Variants in ENO4 observed in about 807,000 individuals in gnomAD.
The protein encoded by ENO4 is enolase 4.
A neutral mutation model predicts 63.2 loss-of-function variants in ENO4; 53 were observed. The ratio of observed to expected loss-of-function variants is 0.84; its 90% confidence interval spans 0.67 to 1.05. ENO4 has a LOEUF of 1.05. Among genes scored for constraint, ENO4 ranks in the 50% least tolerant of loss-of-function variants. The pLI, the probability that ENO4 is intolerant of heterozygous loss-of-function variation, is 0.00. For synonymous variants in ENO4, 266 were observed against 283.8 expected, an observed-to-expected ratio of 0.94 and a Z score of 0.63; for missense variants, 719 against 772.0, an observed-to-expected ratio of 0.93 and a Z score of 0.81.
intron 10 of ENO4, among the ~76,000 whole-genome samples, chr10:116,897,710 C>A (rs1311804421): frequency 1.3e-5 from 2 of 152,160 alleles, no homozygotes. Flanking sequence ...AATTTACACA[C>A]CAGGAAATTC....
intron 10 of ENO4, chr10:116,900,273 T>C (rs1180865876): frequency 4.3e-6 from 2 of 470,128 alleles, no homozygotes; most frequent in Non-Finnish European, 7.6e-6. Flanking sequence ...TTTAAGTAGA[T>C]AAATTAAACT....
intron 3 of ENO4, among the ~76,000 whole-genome samples, chr10:116,858,559 A>C (rs1846332482): frequency 6.6e-6 from 1 of 152,168 alleles, no homozygotes; most frequent in Admixed American, 6.5e-5. Flanking sequence ...TTTTTTTTAA[A>C]TATTAACCCT....
chr10:116,884,061 T>G (rs2133290655), downstream of ENO4: 1 of 326,594 alleles, frequency 3.1e-6, no homozygotes, highest in South Asian at 2.4e-5. Context: ...AAGACTTAAT[T>G]TATCTTTCCC....
At chr10:116,874,237 T>G (rs1846772024) in intron 10 of ENO4, 36 bp downstream of exon 10, 1 of 1,485,156 alleles carries the variant, frequency 6.7e-7, no homozygotes, top group Non-Finnish European at 9.1e-7. Flanking sequence ...ATAACATATT[T>G]TATATGCCAT....
rs933372874 is a variant in ENO4, at chr10:116,879,875, G to A, written c.1612G>A (p.Gly538Arg). The A allele has an allele frequency of 2.0e-5, 31 of 1,549,622 alleles. No homozygotes were observed. The highest frequency in any genetic ancestry group is 2.7e-5 in the Non-Finnish European group (31 of 1,146,674). Reference sequence around the variant, plus strand: ...GTTTTTTCCCCCCTTTCAGGCTGTTGGGCTTGGTGTCCGGTTCATCAAGTT... The same window carrying A: ...GTTTTTTCCCCCCTTTCAGGCTGTTAGGCTTGGTGTCCGGTTCATCAAGTT... ...SDDSLVDLAVGLGVRFIKLGG... is the reference protein window; with the variant it reads ...SDDSLVDLAVRLGVRFIKLGG... Residue 538 changes from glycine (G) to arginine (R), a missense_variant, in exon 13 of 14, where the codon GGG becomes AGG. Coordinates refer to ENST00000341276, the MANE Select transcript of ENO4 (RefSeq NM_001242699.2).
rs1305647867 is a variant in ENO4 at position 116,849,523 on chromosome 10, T to C, written c.-44T>C. The C allele has an allele frequency of 6.9e-7, 1 of 1,458,638 alleles. No individual in the cohort carries two copies. The highest frequency in any genetic ancestry group is 2.5e-5 in the Admixed American group (1 of 39,942). The allele number at this position is 1,458,638 out of a possible 1,614,324, so 90.4% of individuals were successfully genotyped here. A position where few individuals can be genotyped will look rare whatever the true frequency, so the allele number is the denominator to read the frequency against. On this transcript the variant is annotated 5_prime_UTR_variant, in exon 1 of 14. Transcript: ENST00000341276. ...TGCCTAGCGACAGCAGGGACGCTCG[T>C]GGGACCCCAGGCTAAACCCCGCTGT...
chr10:116,901,036 T>C, intron 10 of ENO4: 15 of 985,264 alleles, frequency 1.5e-5, no homozygotes, highest in Non-Finnish European at 1.8e-5. Context: ...AAATCAGAGG[T>C]TTAATTAACC....
rs1846396713 is a variant in ENO4, at chr10:116,861,093, T to C, written c.839T>C (p.Met280Thr). ...QPTTLSMPLL[M>T]VSLVSCGKSS... ...ACAACGCTATCTATGCCTTTGCTGA[T>C]GGTATCGCTGGTCAGCTGTGGGAAG... The change falls in exon 6 of 14, where the codon ATG (methionine) becomes ACG (threonine). Residue 280 changes from methionine (M) to threonine (T), a missense_variant. Physicochemically the swap from Met to Thr is moderately conservative, Grantham distance 81. This residue lies in a region of ENO4 where 544 missense variants were observed against 583.6 expected (regional missense o/e 0.93). Transcript: ENST00000341276. 1.9e-6 allele frequency: 3 copies of C among 1,549,648 alleles called. No homozygotes were observed. Among genetic ancestry groups the C allele is most frequent in the African/African-American group, 1.4e-5 (1 of 73,098 alleles).
chr10:116,850,170 A>C, intron 1 of ENO4: 1 of 245,402 alleles, frequency 4.1e-6, no homozygotes, highest in Non-Finnish European at 8.1e-6. Context: ...GTTTGCTACA[A>C]CTTGGCTTCA....
intron 13 of ENO4, among the ~76,000 whole-genome samples, chr10:116,880,322 G>A (rs1238266479): frequency 6.6e-6 from 1 of 152,172 alleles, no homozygotes; most frequent in East Asian, 1.9e-4. Flanking sequence ...AAAGTTAAAG[G>A]CAGACACTTT....
chr10:116,897,613 A>G (rs1183192473), intron 10 of ENO4, among the ~76,000 whole-genome samples: 1 of 152,230 alleles, frequency 6.6e-6, no homozygotes, highest in Non-Finnish European at 1.5e-5. Flanking sequence ...TAATTGTAAG[A>G]TAAGATAGGA....
chr10:116,901,075 T>G, intron 10 of ENO4: 1 of 985,406 alleles, frequency 1.0e-6, no homozygotes, highest in Non-Finnish European at 1.2e-6. Flanking sequence ...TGATCTGATT[T>G]GTCTCACCTC....
rs1268042279 is a variant in ENO4 at position 116,859,057 on chromosome 10, T to G, written c.553T>G (p.Ser185Ala). ...AGAATTGGAAAAGAGCCTGGAATAC[T>G]CAACAGTGCCTACACCTCTACCTCC... ...RKELEKSLEY[S>A]TVPTPLPPVP... The change falls in exon 4 of 14, where the codon TCA becomes GCA. Residue 185 changes from serine to alanine, a missense_variant. Physicochemically the swap from Ser to Ala is moderately conservative, Grantham distance 99 (BLOSUM62 1). Around this residue, in one of 3 missense-constraint regions of ENO4, gnomAD observed 544 missense variants for 583.6 expected, o/e 0.93. Coordinates refer to ENST00000341276, the MANE Select transcript of ENO4 (RefSeq NM_001242699.2). The G allele has an allele frequency of 7.8e-6, 12 of 1,535,762 alleles. No homozygotes were observed. In the East Asian group the frequency reaches 2.9e-4, roughly 38 times the overall value.
At chr10:116,851,897 A>G (rs1302915362) in intron 1 of ENO4, among the ~76,000 whole-genome samples, 1 of 151,806 alleles carries the variant, frequency 6.6e-6, no homozygotes, top group Non-Finnish European at 1.5e-5. Context: ...GAAACACTAT[A>G]CCTCCTCCAG....
Position 116,879,782 on chromosome 10 carries a change from G to A in ENO4, c.1606-87G>A, listed in dbSNP as rs1350192805. 6.9e-6 allele frequency: 7 copies of A among 1,020,496 alleles called. No individual in the cohort carries two copies. In the Admixed American group the frequency reaches 1.7e-4, roughly 25 times the overall value. The allele number at this position is 1,020,496 out of a possible 1,614,324, so 63.2% of individuals were successfully genotyped here. On this transcript the variant is annotated intron_variant, in intron 12 of 13. Coordinates refer to ENST00000341276, the MANE Select transcript of ENO4 (RefSeq NM_001242699.2). ...GAGAAAATCCCAAACAGCACACTGTGACAGTTTCCTTTGTCTTTAAAGAAT... is the reference window on the plus strand; with the variant it reads ...GAGAAAATCCCAAACAGCACACTGTAACAGTTTCCTTTGTCTTTAAAGAAT...
intron 8 of ENO4, among the ~76,000 whole-genome samples, chr10:116,869,797 A>C (rs1032308528): frequency 2.0e-5 from 3 of 152,290 alleles, no homozygotes; most frequent in Admixed American, 6.5e-5. Flanking sequence ...AACAGTCTAG[A>C]GTATAGATTC....
intron 10 of ENO4, among the ~76,000 whole-genome samples, chr10:116,897,272 A>G (rs1247501206): frequency 6.6e-6 from 1 of 152,218 alleles, no homozygotes; most frequent in Non-Finnish European, 1.5e-5. Flanking sequence ...TTAAAAATTA[A>G]TTATTTTACA....
chr10:116,886,889 T>C (rs1847181536), downstream of ENO4, among the ~76,000 whole-genome samples: 1 of 152,208 alleles, frequency 6.6e-6, no homozygotes, highest in African/African-American at 2.4e-5. Flanking sequence ...AACTGTGAAC[T>C]TCTCACAGCC....
At chr10:116,858,610 T>G (rs772929098) in intron 3 of ENO4, among the ~76,000 whole-genome samples, 2 of 152,228 alleles carry the variant, frequency 1.3e-5, no homozygotes, top group South Asian at 4.1e-4. Flanking sequence ...TCTATTTATA[T>G]GCTATATTTC....
Sources: gnomAD v4.1 joint callset for allele counts (sites outside exome capture counted in the v4.1 genomes callset) on GRCh38, gnomAD v4.1.1 for gene constraint, gnomAD v4.1.1 regional missense constraint, MANE v1.5 for transcripts, NCBI Gene and HGNC (gene_info 2026-07-23, HGNC 2026-07-21) for gene names.